FLVCR1: variants seen among roughly 807,000 people sequenced by gnomAD.
FLVCR1 encodes the protein choline/ethanolamine transporter FLVCR1.
In FLVCR1, 34 loss-of-function variants were observed where a neutral mutation model predicts 53.6. The ratio of observed to expected loss-of-function variants is 0.63; its 90% CI spans 0.48 to 0.84. The LOEUF (loss-of-function observed/expected upper bound fraction) is 0.84, where lower values mean the gene tolerates loss of function less well. FLVCR1 is among the 40% of genes least tolerant of loss of function. The probability of loss-of-function intolerance (pLI) is 0.00; values close to 1 mark genes in which losing one functional copy is unlikely to be tolerated. For missense variants in FLVCR1, 677 were observed against 696.7 expected (o/e 0.97, Z 0.32); for synonymous variants, 300 against 286.3 (o/e 1.05, Z -0.48).
chr1:212,880,877 A>G (rs1474001974), intron 3 of FLVCR1, among the ~76,000 whole-genome samples: 1 of 152,054 alleles, frequency 6.6e-6, no homozygotes, highest in Non-Finnish European at 1.5e-5. Flanking sequence ...CTAAAACTGC[A>G]TGTCCAGTGT....
At chr1:212,888,799 C>G (rs1194999630) in intron 7 of FLVCR1, among the ~76,000 whole-genome samples, 3 of 152,198 alleles carry the variant, frequency 2.0e-5, no homozygotes, top group South Asian at 4.1e-4. Context: ...ATCCTCCCCC[C>G]TCTGCCTCCA....
chr1:212,873,042 C>T (rs1180267276), intron 3 of FLVCR1, among the ~76,000 whole-genome samples: 1 of 152,130 alleles, frequency 6.6e-6, no homozygotes, highest in Non-Finnish European at 1.5e-5. Context: ...CATGATGGCT[C>T]ATGCTGGTAA....
chr1:212,885,340 T>C lies in FLVCR1; in HGVS notation c.1140T>C (p.Ala380=), dbSNP rs1305874383. ...GGATTGGGCTAACGCTAGTAGTAGCTGGAATGGTGGGCTCTATTCTTTGTG... is the reference window on the plus strand; with the variant it reads ...GGATTGGGCTAACGCTAGTAGTAGCCGGAATGGTGGGCTCTATTCTTTGTG... ...AGRIGLTLVV[A]GMVGSILCGL... is the part of the protein sequence containing the mutation. Residue 380 remains alanine (A), a synonymous_variant, in exon 5 of 10, where the codon GCT becomes GCC. Transcript: ENST00000366971. The C allele has an allele frequency of 6.2e-7, 1 of 1,614,160 alleles. No homozygotes were observed. Among genetic ancestry groups the C allele is most frequent in the South Asian group, 1.1e-5 (1 of 91,086 alleles).
intron 1 of FLVCR1, among the ~76,000 whole-genome samples, chr1:212,862,407 A>G (rs1194541622): frequency 6.6e-5 from 10 of 152,134 alleles, no homozygotes; most frequent in Admixed American, 6.6e-4. Context: ...TGGATATTTC[A>G]TATAAATGGA....
intron 2 of FLVCR1, among the ~76,000 whole-genome samples, chr1:212,871,529 G>A (rs776126888): frequency 1.1e-4 from 16 of 152,006 alleles, no homozygotes; most frequent in Admixed American, 9.2e-4. Context: ...CGATCCTCTC[G>A]CTTCAGCCTC....
At chr1:212,887,678 C>A (rs1360481033) in intron 5 of FLVCR1, among the ~76,000 whole-genome samples, 1 of 152,100 alleles carries the variant, frequency 6.6e-6, no homozygotes, top group East Asian at 1.9e-4. Context: ...AGGATCCTAT[C>A]TGAGCATTCG....
At position 212,895,304 on chromosome 1, in the gene FLVCR1, G is replaced by A; in HGVS notation, c.*14G>A. 2.5e-6 allele frequency: 4 copies of A among 1,596,026 alleles called. No individual in the cohort carries two copies. Among genetic ancestry groups the A allele is most frequent in the African/African-American group, 1.3e-5 (1 of 74,786 alleles). The stretch of plus-strand genomic sequence containing the variant: ...TCAGCAATTTGAAGAGAAAGGCAAA[G>A]TTACTGTCCTGTAGTAATTGGGGAC... On this transcript the variant is annotated 3_prime_UTR_variant, in exon 10 of 10. Transcript: ENST00000366971.
chr1:212,884,419 TACAC>T (rs566842624), intron 4 of FLVCR1, among the ~76,000 whole-genome samples: 1 of 151,520 alleles, frequency 6.6e-6, no homozygotes, highest in Non-Finnish European at 1.5e-5. Context: ...CAAAACAAAA[TACAC>T]ACACACACAA....
intron 8 of FLVCR1, among the ~76,000 whole-genome samples, chr1:212,893,786 T>C (rs889879086): frequency 1.3e-5 from 2 of 152,112 alleles, no homozygotes; most frequent in African/African-American, 4.8e-5. Context: ...TTTTGTTTTG[T>C]TTTTTTGAGA....
At chr1:212,889,931 G>A (rs1204436025) in intron 8 of FLVCR1, among the ~76,000 whole-genome samples, 1 of 152,096 alleles carries the variant, frequency 6.6e-6, no homozygotes. Context: ...GTTACTGTGA[G>A]GATTAATTGA....
intron 4 of FLVCR1, among the ~76,000 whole-genome samples, chr1:212,883,865 G>A (rs552971417): frequency 1.3e-5 from 2 of 149,526 alleles, no homozygotes; most frequent in African/African-American, 4.9e-5. Flanking sequence ...TGGAAAAGTG[G>A]CCCATTTTAA....
chr1:212,865,542 G>A (rs1288598500), intron 2 of FLVCR1, among the ~76,000 whole-genome samples: 1 of 147,124 alleles, frequency 6.8e-6, no homozygotes, highest in Non-Finnish European at 1.5e-5. Context: ...GAGTGCAGTG[G>A]CATGATCTCA....
intron 3 of FLVCR1, among the ~76,000 whole-genome samples, chr1:212,874,914 C>T (rs1664712501): frequency 8.0e-6 from 1 of 125,548 alleles, no homozygotes; most frequent in Admixed American, 1.0e-4. Flanking sequence ...CTGTCACAGA[C>T]GTACACACAC....
chr1:212,881,515 T>C (rs1481924491), intron 3 of FLVCR1, among the ~76,000 whole-genome samples: 3 of 151,996 alleles, frequency 2.0e-5, no homozygotes, highest in Admixed American at 2.0e-4. Context: ...ATTTTTGTAT[T>C]TTTAGTAGAG....
At chr1:212,892,951 A>G (rs1665230950) in intron 8 of FLVCR1, among the ~76,000 whole-genome samples, 1 of 152,170 alleles carries the variant, frequency 6.6e-6, no homozygotes, top group Admixed American at 6.5e-5. Flanking sequence ...AAATAGCTGC[A>G]GATGTGGTGG....
chr1:212,893,316 A>G (rs1196821573), intron 8 of FLVCR1, among the ~76,000 whole-genome samples: 2 of 152,062 alleles, frequency 1.3e-5, no homozygotes, highest in Non-Finnish European at 2.9e-5. Flanking sequence ...CGGCCTCCCA[A>G]AGTGCTGGGA....
At chr1:212,890,944 C>T (rs576613390) in intron 8 of FLVCR1, among the ~76,000 whole-genome samples, 1 of 152,274 alleles carries the variant, frequency 6.6e-6, no homozygotes, top group South Asian at 2.1e-4. Flanking sequence ...CACTCTGTTT[C>T]CTCAAAGAAA....
At chr1:212,860,899 A>G (rs761600143) in intron 1 of FLVCR1, among the ~76,000 whole-genome samples, 1 of 152,114 alleles carries the variant, frequency 6.6e-6, no homozygotes, top group Non-Finnish European at 1.5e-5. Context: ...ATTTCCCTTT[A>G]TCTCTAATGC....
chr1:212,866,652 G>C (rs984573816), intron 2 of FLVCR1, among the ~76,000 whole-genome samples: 1 of 152,068 alleles, frequency 6.6e-6, no homozygotes, highest in African/African-American at 2.4e-5. Context: ...TAATAGGTAT[G>C]ACTATTGGCA....
Sources: gnomAD v4.1 joint callset for allele counts (sites outside exome capture counted in the v4.1 genomes callset) on GRCh38, gnomAD v4.1.1 for gene constraint, MANE v1.5 for transcripts, NCBI Gene and HGNC (gene_info 2026-07-23, HGNC 2026-07-21) for gene names.